The following NTM variants were observed in gnomAD, a reference collection of about 807,000 sequenced individuals.
NTM encodes the protein IgLON family member 2.
In NTM, 13 loss-of-function variants were observed where a neutral mutation model predicts 42.1. That is an observed-to-expected ratio of 0.31 (90% confidence interval 0.20 to 0.49). The LOEUF is 0.49. Ranked by LOEUF, NTM falls within the 20% of genes least tolerant of loss-of-function variation. The probability of loss-of-function intolerance (pLI) is 0.99; values close to 1 mark genes in which losing one functional copy is unlikely to be tolerated. For synonymous variants in NTM, 187 were observed against 179.2 expected, an observed-to-expected ratio of 1.04 and a Z score of -0.35; for missense variants, 373 against 452.8, an observed-to-expected ratio of 0.82 and a Z score of 1.60.
chr11:132,087,591 G>A (rs2059881664), intron 2 of NTM, among the ~76,000 whole-genome samples: 1 of 152,158 alleles, frequency 6.6e-6, no homozygotes, highest in South Asian at 2.1e-4. Context: ...CAGTGCTAAG[G>A]TATAACTGTG....
At chr11:131,607,312 C>T (rs2061053074) in intron 1 of NTM, among the ~76,000 whole-genome samples, 2 of 152,146 alleles carry the variant, frequency 1.3e-5, no homozygotes, top group South Asian at 4.1e-4. Context: ...GAATGGGGCC[C>T]CCATGCCTCT....
intron 1 of NTM, among the ~76,000 whole-genome samples, chr11:131,874,480 A>T (rs2048300021): frequency 6.6e-6 from 1 of 152,196 alleles, no homozygotes; most frequent in South Asian, 2.1e-4. Flanking sequence ...ACCGTATGAA[A>T]CACATTTTAA....
At chr11:132,270,653 A>T (rs1900924) in intron 4 of NTM, among the ~76,000 whole-genome samples, 44,872 of 147,388 alleles carry the variant, frequency 0.3, 7,032 homozygotes, top group Middle Eastern at 0.49. Context: ...ATTTATTTTT[A>T]TTTTTTTTTT....
At chr11:131,394,266 A>T (rs1206437996) in intron 1 of NTM, among the ~76,000 whole-genome samples, 1 of 151,544 alleles carries the variant, frequency 6.6e-6, no homozygotes, top group Non-Finnish European at 1.5e-5. Context: ...TCTCTACTCC[A>T]CTCTCGTTCT....
chr11:132,156,421 T>C (rs1443961388), intron 3 of NTM, among the ~76,000 whole-genome samples: 3 of 152,216 alleles, frequency 2.0e-5, no homozygotes, highest in African/African-American at 7.2e-5. Context: ...CATAGAGAAC[T>C]TTCCCAGACC....
At chr11:131,948,951 T>G (rs1444513388) in intron 2 of NTM, among the ~76,000 whole-genome samples, 1 of 152,322 alleles carries the variant, frequency 6.6e-6, no homozygotes, top group East Asian at 1.9e-4. Flanking sequence ...CTTGCATAAT[T>G]GAGACTTTAT....
intron 3 of NTM, among the ~76,000 whole-genome samples, chr11:132,175,746 C>G (rs2076713046): frequency 1.3e-5 from 2 of 152,106 alleles, no homozygotes; most frequent in South Asian, 4.1e-4. Context: ...CGCCACCATG[C>G]CTGGGTATTA....
chr11:131,466,858 T>C (rs1951948348), intron 1 of NTM, among the ~76,000 whole-genome samples: 1 of 152,194 alleles, frequency 6.6e-6, no homozygotes, highest in African/African-American at 2.4e-5. Context: ...TGTTGGAAAT[T>C]TGCAGACTTA....
chr11:132,106,546 C>A (rs1413531449), intron 2 of NTM, among the ~76,000 whole-genome samples: 1 of 152,240 alleles, frequency 6.6e-6, no homozygotes, highest in Non-Finnish European at 1.5e-5. Flanking sequence ...GATTAGTAAA[C>A]AAAGTACCCA....
At chr11:131,377,067 T>C (rs1404366326) in intron 1 of NTM, among the ~76,000 whole-genome samples, 1 of 152,208 alleles carries the variant, frequency 6.6e-6, no homozygotes, top group Non-Finnish European at 1.5e-5. Flanking sequence ...GGAGACTTCA[T>C]GGCACAGCCT....
chr11:131,528,069 T>TA (rs2050754016), intron 1 of NTM, among the ~76,000 whole-genome samples: 1 of 152,156 alleles, frequency 6.6e-6, no homozygotes, highest in Non-Finnish European at 1.5e-5. Flanking sequence ...CCAAATTTTT[T>TA]TAAAAAATCT....
intron 1 of NTM, among the ~76,000 whole-genome samples, chr11:131,789,616 GAAGAAGAAGAAGAAGAA>G: frequency 1.2e-5 from 1 of 84,324 alleles, no homozygotes; most frequent in Non-Finnish European, 2.3e-5. Context: ...AGAAGAAGAA[GAAGAAGAAGAAGAAGAA>G]GAAAAGAAGA....
At chr11:131,926,704 A>T (rs1450203947) in intron 2 of NTM, among the ~76,000 whole-genome samples, 1 of 152,132 alleles carries the variant, frequency 6.6e-6, no homozygotes, top group East Asian at 1.9e-4. Flanking sequence ...TAGCCCCAAC[A>T]CCTGTGTGGA....
intron 1 of NTM, among the ~76,000 whole-genome samples, chr11:131,695,190 A>G (rs2075302797): frequency 8.7e-6 from 1 of 114,326 alleles, no homozygotes; most frequent in Admixed American, 1.4e-4. Flanking sequence ...AATCTCTGTG[A>G]CGAGATAGGC....
rs181536862 is a variant in NTM at position 132,146,018 on chromosome 11, G to C, written c.168-264G>C. Among the ~76,000 whole-genome samples, 453 of 152,306 alleles carry C rather than the reference G, an allele frequency of 3.0e-3. 7 individuals are homozygous for C. The highest frequency in any genetic ancestry group is 0.027 in the Admixed American group (412 of 15,306). On this transcript the variant is annotated intron_variant, in intron 2 of 8. Coordinates refer to ENST00000683400, the MANE Select transcript of NTM (RefSeq NM_001352005.2). This position sits in a 1 kb window ranked among gnomAD's most constrained non-coding sequence, Gnocchi z 4.5. The stretch of plus-strand genomic sequence containing the variant: ...TATCCAGCCATCCTGGGCATGCAAG[G>C]TACCTCTAGGTTATAACTGAGATCG...
intron 1 of NTM, among the ~76,000 whole-genome samples, chr11:131,884,701 G>T (rs749088404): frequency 3.9e-5 from 6 of 152,188 alleles, no homozygotes; most frequent in Middle Eastern, 3.2e-3. Flanking sequence ...ATCATGGAAA[G>T]GGGGCCATTC....
intron 4 of NTM, among the ~76,000 whole-genome samples, chr11:132,307,369 C>T (rs1247778077): frequency 2.0e-5 from 3 of 152,090 alleles, no homozygotes; most frequent in African/African-American, 4.8e-5. Flanking sequence ...TCCCAGAGCA[C>T]GACGGCTTGG....
At chr11:131,992,228 TCTA>T (rs1312093090) in intron 2 of NTM, among the ~76,000 whole-genome samples, 1 of 152,152 alleles carries the variant, frequency 6.6e-6, no homozygotes, top group African/African-American at 2.4e-5. Context: ...TGATAGTAAA[TCTA>T]CTTTTTTCTA....
intron 3 of NTM, among the ~76,000 whole-genome samples, chr11:132,189,160 T>C (rs543797478): frequency 6.6e-6 from 1 of 152,258 alleles, no homozygotes; most frequent in East Asian, 1.9e-4. Context: ...AGAACAAATA[T>C]GCAAGTCTAT....
Sources: gnomAD v4.1 joint callset for allele counts (sites outside exome capture counted in the v4.1 genomes callset) on GRCh38, gnomAD v4.1.1 for gene constraint, Gnocchi (gnomAD v3.1) non-coding constraint, MANE v1.5 for transcripts, NCBI Gene and HGNC (gene_info 2026-07-23, HGNC 2026-07-21) for gene names.